GSN: variants seen among roughly 807,000 people sequenced by gnomAD.
The protein encoded by GSN is actin-depolymerizing factor.
GSN carries 56 observed loss-of-function variants against 85.7 expected under a neutral mutation model. The ratio of observed to expected loss-of-function variants is 0.65; its 90% CI spans 0.53 to 0.82. The LOEUF (loss-of-function observed/expected upper bound fraction) is 0.82. GSN is among the 40% of genes least tolerant of loss of function. The pLI, the probability that GSN is intolerant of heterozygous loss-of-function variation, is 0.00. For missense variants in GSN, 857 were observed against 979.8 expected, an observed-to-expected ratio of 0.87 and a Z score of 1.67; for synonymous variants, 373 against 399.1, an observed-to-expected ratio of 0.93 and a Z score of 0.78.
At chr9:121,243,313 T>C (rs2054639876) in intron 5 of GSN, among the ~76,000 whole-genome samples, 1 of 152,226 alleles carries the variant, frequency 6.6e-6, no homozygotes, top group Non-Finnish European at 1.5e-5. Context: ...CTATCCTTTA[T>C]AAGGAAACTT....
intron 2 of GSN, among the ~76,000 whole-genome samples, chr9:121,294,901 A>G (rs761840160): frequency 6.6e-6 from 1 of 152,094 alleles, no homozygotes; most frequent in Admixed American, 6.5e-5. Context: ...ACATACTCCA[A>G]CAGTCTCACT....
intron 10 of GSN, among the ~76,000 whole-genome samples, chr9:121,319,911 G>A (rs575861303): frequency 2.6e-4 from 40 of 152,168 alleles, no homozygotes; most frequent in East Asian, 5.8e-4. Flanking sequence ...ACTTGACTCC[G>A]TTCCTAATGA....
intron 2 of GSN, among the ~76,000 whole-genome samples, chr9:121,287,823 A>G (rs2058301476): frequency 6.6e-6 from 1 of 152,194 alleles, no homozygotes; most frequent in African/African-American, 2.4e-5. Context: ...TTATGCAACC[A>G]TCATCACAAT....
In GSN at chr9:121,299,896, G is replaced by C; in HGVS notation, c.-9-2067G>C. On this transcript the variant is annotated intron_variant, in intron 2 of 17. Transcript: ENST00000432226. This position sits in a 1 kb window ranked among gnomAD's most constrained non-coding sequence, Gnocchi z 4.2. ...CACCGCCCCGCGCCCGCGCTGCTTT[G>C]CGCGCTGTCCCTGGCGCTGTGCGCG... The C allele has an allele frequency of 7.6e-7, 1 of 1,317,784 alleles. No homozygotes were observed. The highest frequency in any genetic ancestry group is 3.4e-5 in the Admixed American group (1 of 29,322). The allele number at this position is 1,317,784 out of a possible 1,614,324, so 81.6% of individuals were successfully genotyped here.
chr9:121,316,439 T>C (rs1195085279), intron 7 of GSN, among the ~76,000 whole-genome samples: 2 of 152,202 alleles, frequency 1.3e-5, no homozygotes, highest in Non-Finnish European at 2.9e-5. Context: ...CATTTAGCTC[T>C]TTTTACTTTT....
chr9:121,240,238 A>G (rs369146563), intron 5 of GSN: 3 of 152,330 alleles, frequency 2.0e-5, no homozygotes, highest in African/African-American at 7.2e-5. Context: ...TATTTCTGTA[A>G]AGACCCTATT....
At position 121,318,861 on chromosome 9, in the gene GSN, A is replaced by T; in HGVS notation, c.1172A>T (p.Asp391Val). Residue 391 changes from aspartate (D) to valine (V), a missense_variant, in exon 10 of 18, where the codon GAT becomes GTT. By Grantham distance (152) the Asp-to-Val change is radical. Transcript: ENST00000432226. This position sits in a 1 kb window ranked among gnomAD's most constrained non-coding sequence, Gnocchi z 4.3. ...AMAAQHGMDD[D>V]GTGQKQIWRI... ...GCCGCCCAGCACGGCATGGATGACGATGGCACAGGCCAGAAACAGGTACGT... is the reference window on the plus strand; with the variant it reads ...GCCGCCCAGCACGGCATGGATGACGTTGGCACAGGCCAGAAACAGGTACGT... The T allele has an allele frequency of 6.2e-7, 1 of 1,613,928 alleles. No individual in the cohort carries two copies. Among genetic ancestry groups the T allele is most frequent in the Non-Finnish European group, 8.5e-7 (1 of 1,179,966 alleles).
intron 10 of GSN, 72 bp from the exon 11 acceptor site, chr9:121,321,196 C>T (rs202057569): frequency 5.3e-5 from 81 of 1,538,828 alleles, no homozygotes; most frequent in Non-Finnish European, 6.5e-5. Flanking sequence ...TACCACACTG[C>T]GGTTTCCTGG....
At chr9:121,216,018 A>T (rs536389023) in intron 4 of GSN, among the ~76,000 whole-genome samples, 2 of 151,918 alleles carry the variant, frequency 1.3e-5, no homozygotes, top group African/African-American at 4.8e-5. Flanking sequence ...TTTATTTATT[A>T]TTTTTTTCAG....
chr9:121,296,807 G>C (rs571740290), intron 2 of GSN, among the ~76,000 whole-genome samples: 1 of 152,346 alleles, frequency 6.6e-6, no homozygotes, highest in South Asian at 2.1e-4. Context: ...TGTAGCAAGG[G>C]CTCCAGGGTC....
At chr9:121,309,542 C>G (rs1173524669) in intron 4 of GSN, 6 of 152,274 alleles carry the variant, frequency 3.9e-5, no homozygotes, top group African/African-American at 1.4e-4. Context: ...TAGGGGAAAG[C>G]AGAAGGGTGG....
At chr9:121,304,624 G>T (rs1393659176) in intron 4 of GSN, among the ~76,000 whole-genome samples, 2 of 152,210 alleles carry the variant, frequency 1.3e-5, no homozygotes, top group East Asian at 3.8e-4. Context: ...TATTTACTGA[G>T]CCTCAATAAC....
At chr9:121,315,866 A>G (rs2061655684) in intron 7 of GSN, among the ~76,000 whole-genome samples, 1 of 152,250 alleles carries the variant, frequency 6.6e-6, no homozygotes. Context: ...CTAGCTGTGC[A>G]AGTTCCTTAA....
At chr9:121,326,911 A>G in intron 13 of GSN, 2 of 705,526 alleles carry the variant, frequency 2.8e-6, no homozygotes, top group South Asian at 1.5e-5. Context: ...ACAGCTCACT[A>G]CCTACCATTC....
chr9:121,270,974 A>C (rs1468240185), intron 1 of GSN, among the ~76,000 whole-genome samples: 1 of 152,184 alleles, frequency 6.6e-6, no homozygotes, highest in East Asian at 1.9e-4. Flanking sequence ...ATGGACCCCC[A>C]GTCTTGGTTC....
At chr9:121,301,625 CAAAAAAA>C (rs753963979) in intron 2 of GSN, among the ~76,000 whole-genome samples, 3,409 of 55,980 alleles carry the variant, frequency 0.061, 148 homozygotes, top group African/African-American at 0.17. Context: ...GACTCTGTCT[CAAAAAAA>C]AAAAAAAAAA....
intron 4 of GSN, chr9:121,222,053 A>G (rs573630986): frequency 1.3e-5 from 2 of 152,266 alleles, no homozygotes; most frequent in African/African-American, 4.8e-5. Flanking sequence ...TTCCAGCAGG[A>G]AAGTCTCCTG....
intron 1 of GSN, among the ~76,000 whole-genome samples, chr9:121,273,810 A>G (rs930829461): frequency 2.0e-5 from 3 of 152,206 alleles, no homozygotes; most frequent in Non-Finnish European, 4.4e-5. Context: ...TTTTATTCCA[A>G]TAGTCCTAGG....
At chr9:121,239,087 G>A (rs1203617325) in intron 5 of GSN, 1 of 375,670 alleles carries the variant, frequency 2.7e-6, no homozygotes, top group Non-Finnish European at 5.2e-6. Flanking sequence ...GTAGGAATTT[G>A]AGTAATTGAG....
Sources: allele counts gnomAD v4.1 joint callset (sites outside exome capture counted in the v4.1 genomes callset), GRCh38; gene constraint gnomAD v4.1.1; non-coding constraint Gnocchi (gnomAD v3.1); transcripts MANE v1.5; gene names NCBI Gene and HGNC (gene_info 2026-07-23, HGNC 2026-07-21).